The following DLC1 variants were observed in gnomAD, a reference collection of about 807,000 sequenced individuals.
DLC1 encodes DLC1 Rho GTPase activating protein.
Under a neutral mutation model 140.3 loss-of-function variants are expected in DLC1, and 54 were observed. The ratio of observed to expected loss-of-function variants is 0.38; its 90% CI spans 0.31 to 0.48. The LOEUF (loss-of-function observed/expected upper bound fraction) is 0.48, where lower values mean the gene tolerates loss of function less well. Ranked by LOEUF, DLC1 falls within the 20% of genes least tolerant of loss-of-function variation. The probability of loss-of-function intolerance (pLI) is 0.96; values close to 1 mark genes in which losing one functional copy is unlikely to be tolerated. For missense variants in DLC1, 2,536 were observed against 1,907.0 expected (o/e 1.33, Z -6.14); for synonymous variants, 986 against 728.1 (o/e 1.35, Z -5.70).
rs369773134 is a variant in DLC1 at position 13,579,315 on chromosome 8, TTATATATATATATATATA to T, written c.-126+25204_-126+25221del. ...AAAGTCAGATACCACAGGTCTGACT[TTATATATATATATATATA>T]TATATATATATATATATATATATAT... On this transcript the variant is annotated intron_variant, in intron 1 of 1. Transcript: ENST00000631382. Among the ~76,000 whole-genome samples the T allele has an allele frequency of 1.5e-3, 16 of 10,668 alleles. 1 individual carries two copies. Among genetic ancestry groups the T allele is most frequent in the South Asian group, 0.01 (2 of 196 alleles). 7.0% of individuals were successfully genotyped at this position (10,668 alleles called of 152,430 possible).
At chr8:13,224,551 C>T (rs1828702566) in intron 5 of DLC1, among the ~76,000 whole-genome samples, 2 of 152,188 alleles carry the variant, frequency 1.3e-5, no homozygotes, top group African/African-American at 4.8e-5. Flanking sequence ...CACTGTCTGA[C>T]AGGACTTGGA....
intron 1 of DLC1, among the ~76,000 whole-genome samples, chr8:13,510,030 G>A (rs982366959): frequency 1.3e-5 from 2 of 152,122 alleles, no homozygotes; most frequent in African/African-American, 4.8e-5. Context: ...TGGTGATGAT[G>A]ACTCCTTTAG....
intron 4 of DLC1, among the ~76,000 whole-genome samples, chr8:13,348,298 G>T (rs1370250236): frequency 6.6e-6 from 1 of 152,162 alleles, no homozygotes; most frequent in Non-Finnish European, 1.5e-5. Flanking sequence ...TGGAGTTTCA[G>T]ATATATTATG....
At chr8:13,578,140 C>T (rs1239923799) in intron 1 of DLC1, among the ~76,000 whole-genome samples, 2 of 152,042 alleles carry the variant, frequency 1.3e-5, no homozygotes, top group Non-Finnish European at 2.9e-5. Flanking sequence ...ATTCACTGGT[C>T]ACTTTGACCT....
intron 2 of DLC1, among the ~76,000 whole-genome samples, chr8:13,477,173 C>T (rs1297371163): frequency 2.6e-5 from 4 of 151,502 alleles, no homozygotes. Context: ...ATGTAGTAAC[C>T]CCAAATCAGG....
chr8:13,258,894 T>C (rs1830366455), intron 5 of DLC1, among the ~76,000 whole-genome samples: 1 of 151,950 alleles, frequency 6.6e-6, no homozygotes, highest in African/African-American at 2.4e-5. Context: ...TCCCAGCACT[T>C]TGGGAGGCCG....
chr8:13,185,662 G>C (rs1826329622), intron 5 of DLC1, among the ~76,000 whole-genome samples: 1 of 152,064 alleles, frequency 6.6e-6, no homozygotes, highest in African/African-American at 2.4e-5. Flanking sequence ...GGTTAATATT[G>C]TTATGTGTGA....
chr8:13,425,337 T>A (rs570789949), intron 2 of DLC1, among the ~76,000 whole-genome samples: 1 of 152,270 alleles, frequency 6.6e-6, no homozygotes, highest in East Asian at 1.9e-4. Flanking sequence ...GATGGAGCCA[T>A]GTGGCAGGGC....
At chr8:13,192,951 C>A (rs1021956186) in intron 5 of DLC1, among the ~76,000 whole-genome samples, 1 of 152,172 alleles carries the variant, frequency 6.6e-6, no homozygotes, top group Non-Finnish European at 1.5e-5. Context: ...CAGTTTGTGG[C>A]GTTTAATATG....
chr8:13,477,587 G>C (rs1234370439), intron 2 of DLC1, among the ~76,000 whole-genome samples: 1 of 152,206 alleles, frequency 6.6e-6, no homozygotes. Context: ...ATAATCTGGT[G>C]ATGATGCTTT....
chr8:13,172,015 C>T (rs568929175), intron 5 of DLC1, among the ~76,000 whole-genome samples: 122 of 152,260 alleles, frequency 8.0e-4, no homozygotes, highest in African/African-American at 2.8e-3. Context: ...TACATCTACA[C>T]GCCATCACTA....
At chr8:13,593,155 C>A (rs1805573874) in intron 1 of DLC1, among the ~76,000 whole-genome samples, 1 of 152,072 alleles carries the variant, frequency 6.6e-6, no homozygotes, top group Non-Finnish European at 1.5e-5. Flanking sequence ...TTAATAAGAG[C>A]CATCACCCAT....
chr8:13,508,399 T>C (rs1356802430), intron 1 of DLC1, among the ~76,000 whole-genome samples: 1 of 151,016 alleles, frequency 6.6e-6, no homozygotes, highest in Non-Finnish European at 1.5e-5. Context: ...CAATATTGCT[T>C]TATGGATGTA....
intron 5 of DLC1, among the ~76,000 whole-genome samples, chr8:13,165,672 C>G (rs1164457356): frequency 6.6e-6 from 1 of 152,182 alleles, no homozygotes; most frequent in East Asian, 1.9e-4. Flanking sequence ...AAGAGTATAG[C>G]CAGAGCAGTG....
At chr8:13,551,142 C>T (rs1468306407) in intron 1 of DLC1, among the ~76,000 whole-genome samples, 1 of 148,550 alleles carries the variant, frequency 6.7e-6, no homozygotes, top group African/African-American at 2.5e-5. Context: ...GAAAATATTA[C>T]CTTAGCCAAA....
At chr8:13,417,159 G>C (rs1322286898) in intron 2 of DLC1, among the ~76,000 whole-genome samples, 2 of 152,096 alleles carry the variant, frequency 1.3e-5, no homozygotes, top group African/African-American at 4.8e-5. Flanking sequence ...TTTAGGAAGA[G>C]AAAAATGAGG....
chr8:13,249,795 C>G (rs534550422), intron 5 of DLC1, among the ~76,000 whole-genome samples: 1 of 152,172 alleles, frequency 6.6e-6, no homozygotes, highest in African/African-American at 2.4e-5. Context: ...CATCCTTTCC[C>G]ATCCTAAATT....
At chr8:13,570,254 T>A (rs1017483087) in intron 1 of DLC1, among the ~76,000 whole-genome samples, 2 of 152,008 alleles carry the variant, frequency 1.3e-5, no homozygotes, top group Non-Finnish European at 2.9e-5. Context: ...TTTGTGTCAC[T>A]ATGGTTTCTA....
chr8:13,424,693 C>T lies in DLC1; in HGVS notation c.1024-23074G>A, dbSNP rs1298461689. ...GTTCATGCCACTCTCCTGCCTTAGC[C>T]CCCTGAGTAGCTTGGACTACAGGCA... is the stretch of plus-strand genomic sequence containing the variant. On this transcript the variant is annotated intron_variant, in intron 2 of 17. Coordinates refer to ENST00000276297, the MANE Select transcript of DLC1 (RefSeq NM_182643.3). 2.6e-5 allele frequency among the ~76,000 whole-genome samples: 4 copies of T among 151,822 alleles called. No homozygotes were observed. The South Asian group carries it at 8.3e-4, about 32-fold the overall frequency.
Sources: gnomAD v4.1 joint callset for allele counts (sites outside exome capture counted in the v4.1 genomes callset) on GRCh38, gnomAD v4.1.1 for gene constraint, MANE v1.5 for transcripts, NCBI Gene and HGNC (gene_info 2026-07-23, HGNC 2026-07-21) for gene names.